Variants in HDAC9 observed in about 807,000 individuals in gnomAD.
The protein encoded by HDAC9 is histone deacetylase 9.
Under a neutral mutation model 139.4 loss-of-function variants are expected in HDAC9, and 41 were observed. That is an observed-to-expected ratio of 0.29 (90% CI 0.23 to 0.38). The LOEUF (loss-of-function observed/expected upper bound fraction) is 0.38. Among genes scored for constraint, HDAC9 ranks in the 10% least tolerant of loss-of-function variants. The probability of loss-of-function intolerance (pLI) is 1.00; values close to 1 mark genes in which losing one functional copy is unlikely to be tolerated. For missense variants in HDAC9, 1,147 were observed against 1,297.0 expected (o/e 0.88, Z 1.78); for synonymous variants, 517 against 476.2 (o/e 1.09, Z -1.12).
At chr7:18,680,573 G>C (rs915995915) in intron 12 of HDAC9, among the ~76,000 whole-genome samples, 2 of 151,952 alleles carry the variant, frequency 1.3e-5, no homozygotes, top group African/African-American at 2.4e-5. Context: ...GCCCAGGGAG[G>C]TTATGTGGAT....
rs142806052 is a variant in HDAC9 at position 18,228,612 on chromosome 7, G to C, written c.25+66263G>C. Among the ~76,000 whole-genome samples the C allele has an allele frequency of 2.6e-3, 400 of 152,246 alleles. 3 individuals are homozygous for C. Among genetic ancestry groups the C allele is most frequent in the African/African-American group, 9.2e-3 (381 of 41,530 alleles). On this transcript the variant is annotated intron_variant, in intron 2 of 12. Coordinates refer to the HDAC9 transcript ENST00000417496. ...CTAGTGTCTGAAAGGAACTGCAGTT[G>C]AAGGACTTTATTCTTAGCATTATAT...
chr7:18,570,707 C>A (rs1823996795), intron 2 of HDAC9, among the ~76,000 whole-genome samples: 1 of 152,108 alleles, frequency 6.6e-6, no homozygotes, highest in African/African-American at 2.4e-5. Flanking sequence ...AAGTAAGAAT[C>A]CCAAGCACGT....
intron 1 of HDAC9, among the ~76,000 whole-genome samples, chr7:18,450,422 G>A (rs560664948): frequency 2.8e-4 from 43 of 152,284 alleles, no homozygotes; most frequent in Admixed American, 1.5e-3. Context: ...GGTAGACAAG[G>A]TGTCTCCAAA....
At chr7:18,204,591 A>T (rs976788255) in intron 2 of HDAC9, among the ~76,000 whole-genome samples, 9 of 152,026 alleles carry the variant, frequency 5.9e-5, no homozygotes, top group African/African-American at 2.2e-4. Context: ...GTATTTATTC[A>T]ATAAATATAA....
At chr7:18,307,719 C>A (rs2128621051) in intron 1 of HDAC9, among the ~76,000 whole-genome samples, 2 of 152,216 alleles carry the variant, frequency 1.3e-5, no homozygotes, top group South Asian at 4.2e-4. Context: ...AGGAGAATCC[C>A]TTGAGCCCAG....
intron 2 of HDAC9, among the ~76,000 whole-genome samples, chr7:18,200,480 A>C (rs565425069): frequency 1.3e-5 from 2 of 152,254 alleles, no homozygotes; most frequent in South Asian, 4.1e-4. Context: ...GGAACGTTTC[A>C]GTACTTTTTG....
intron 2 of HDAC9, among the ~76,000 whole-genome samples, chr7:18,279,219 C>G (rs1338601485): frequency 6.6e-6 from 1 of 152,126 alleles, no homozygotes; most frequent in African/African-American, 2.4e-5. Context: ...AGTGTGCTTT[C>G]CGACTTTCAG....
intron 19 of HDAC9, among the ~76,000 whole-genome samples, chr7:18,834,780 C>T (rs1796114196): frequency 2.0e-5 from 3 of 152,148 alleles, no homozygotes; most frequent in African/African-American, 7.2e-5. Context: ...CATCTGGCTT[C>T]TCTTTTGAAG....
intron 15 of HDAC9, among the ~76,000 whole-genome samples, chr7:18,765,428 T>C (rs1562925451): frequency 1.3e-5 from 2 of 152,068 alleles, no homozygotes; most frequent in African/African-American, 4.8e-5. Context: ...GAGACCAGGC[T>C]GGCAAACATG....
At chr7:18,193,653 T>C (rs1403563420) in intron 2 of HDAC9, among the ~76,000 whole-genome samples, 1 of 152,218 alleles carries the variant, frequency 6.6e-6, no homozygotes, top group Non-Finnish European at 1.5e-5. Context: ...TAATATTTTC[T>C]CTATATTTGC....
chr7:18,459,162 C>T (rs963871202), intron 1 of HDAC9, among the ~76,000 whole-genome samples: 1 of 152,044 alleles, frequency 6.6e-6, no homozygotes, highest in Non-Finnish European at 1.5e-5. Context: ...TCTTTTTACC[C>T]CTCTCTACTC....
chr7:18,307,097 T>TTGTGTGTGTGTG (rs56020648), intron 1 of HDAC9, among the ~76,000 whole-genome samples: 184 of 134,854 alleles, frequency 1.4e-3, no homozygotes, highest in Middle Eastern at 3.9e-3. Flanking sequence ...AGGGCAGTTC[T>TTGTGTGTGTGTG]TGTGTGTGTG....
At chr7:18,308,602 G>A (rs1027285214) in intron 1 of HDAC9, among the ~76,000 whole-genome samples, 3 of 152,142 alleles carry the variant, frequency 2.0e-5, no homozygotes, top group African/African-American at 7.2e-5. Context: ...AATATATTAG[G>A]TGTGTCTGAC....
chr7:18,472,113 T>G (rs1345357747), intron 1 of HDAC9, among the ~76,000 whole-genome samples: 1 of 152,226 alleles, frequency 6.6e-6, no homozygotes, highest in Non-Finnish European at 1.5e-5. Flanking sequence ...GGAGCCTTGC[T>G]TTAGCTGCCT....
chr7:18,984,191 AT>A (rs1785142569), intron 25 of HDAC9, among the ~76,000 whole-genome samples: 1 of 151,922 alleles, frequency 6.6e-6, no homozygotes, highest in Non-Finnish European at 1.5e-5. Flanking sequence ...GCTTAGCATT[AT>A]TTTTTTAATA....
intron 1 of HDAC9, among the ~76,000 whole-genome samples, chr7:18,316,633 C>CAAA (rs10641889): frequency 0.052 from 5,160 of 99,912 alleles, 335 homozygotes; most frequent in African/African-American, 0.14. Flanking sequence ...CAGATCTCTC[C>CAAA]AAAAAAAAAA....
intron 2 of HDAC9, among the ~76,000 whole-genome samples, chr7:18,227,294 T>G (rs1192061839): frequency 6.6e-6 from 1 of 152,206 alleles, no homozygotes; most frequent in Non-Finnish European, 1.5e-5. Flanking sequence ...ATTATTCAGT[T>G]AAAAATTTTT....
intron 22 of HDAC9, among the ~76,000 whole-genome samples, chr7:18,935,348 A>C (rs1348554271): frequency 2.6e-5 from 4 of 152,212 alleles, no homozygotes; most frequent in Admixed American, 2.6e-4. Flanking sequence ...TACATTAGAT[A>C]ATGTAAATAT....
chr7:18,338,835 C>T (rs1037090643), intron 1 of HDAC9, among the ~76,000 whole-genome samples: 1 of 151,354 alleles, frequency 6.6e-6, no homozygotes, highest in Non-Finnish European at 1.5e-5. Context: ...AGAGAATTGG[C>T]ATTATTATTA....
Sources: gnomAD v4.1 joint callset for allele counts (sites outside exome capture counted in the v4.1 genomes callset) on GRCh38, gnomAD v4.1.1 for gene constraint, MANE v1.5 for transcripts, NCBI Gene and HGNC (gene_info 2026-07-23, HGNC 2026-07-21) for gene names.